The following RABGAP1L variants were observed in gnomAD, a reference collection of about 807,000 sequenced individuals.
RABGAP1L encodes rab GTPase-activating protein 1-like.
In RABGAP1L, 63 loss-of-function variants were observed where a neutral mutation model predicts 137.7. That is an observed-to-expected ratio of 0.46 (90% CI 0.37 to 0.56). RABGAP1L has a LOEUF of 0.56. RABGAP1L is among the 20% of genes least tolerant of loss of function. RABGAP1L has a pLI of 0.00. For synonymous variants in RABGAP1L, 431 were observed against 433.7 expected (o/e 0.99, Z 0.08); for missense variants, 1,095 against 1,244.0 (o/e 0.88, Z 1.80).
chr1:174,295,683 CTTT>C (rs375647532), intron 10 of RABGAP1L, among the ~76,000 whole-genome samples: 31 of 140,052 alleles, frequency 2.2e-4, no homozygotes, highest in Non-Finnish European at 4.1e-4. Flanking sequence ...CGCAGCCAGC[CTTT>C]TTTTTTTTTT....
At chr1:174,792,756 GCTTA>G (rs1356040675) in intron 18 of RABGAP1L, among the ~76,000 whole-genome samples, 2 of 152,160 alleles carry the variant, frequency 1.3e-5, no homozygotes, top group South Asian at 2.1e-4. Context: ...CAGATGTCTG[GCTTA>G]CTATGTACAG....
At chr1:174,483,819 C>CAAAA (rs201936174) in intron 13 of RABGAP1L, among the ~76,000 whole-genome samples, 75 of 132,954 alleles carry the variant, frequency 5.6e-4, no homozygotes, top group Middle Eastern at 4.2e-3. Flanking sequence ...AACTCCATCT[C>CAAAA]AAAAAAAAAA....
chr1:174,675,404 T>C lies in RABGAP1L; in HGVS notation c.1825-8118T>C, dbSNP rs545065584. Among the ~76,000 whole-genome samples the C allele has an allele frequency of 4.7e-3, 714 of 152,150 alleles. 6 individuals carry two copies. Among genetic ancestry groups the C allele is most frequent in the African/African-American group, 0.014 (593 of 41,486 alleles). On this transcript the variant is annotated intron_variant, in intron 14 of 25. Coordinates refer to ENST00000681986, the MANE Select transcript of RABGAP1L (RefSeq NM_001366446.1). Reference sequence around the variant, plus strand: ...GTCAAAGATCAGATAGTTGTAGATATGTGGCGTTATTTCTGAGGGCTCTGT... The same window carrying C: ...GTCAAAGATCAGATAGTTGTAGATACGTGGCGTTATTTCTGAGGGCTCTGT...
chr1:174,840,444 A>G (rs989978860), intron 19 of RABGAP1L, among the ~76,000 whole-genome samples: 3 of 152,136 alleles, frequency 2.0e-5, no homozygotes, highest in African/African-American at 2.4e-5. Context: ...GGCAAAACCA[A>G]TAATGCCCAG....
At chr1:174,425,412 TTC>T (rs1218868684) in intron 13 of RABGAP1L, among the ~76,000 whole-genome samples, 1 of 152,046 alleles carries the variant, frequency 6.6e-6, no homozygotes, top group African/African-American at 2.4e-5. Flanking sequence ...AGCTGTGAAT[TTC>T]TCTCTGTCAT....
At chr1:174,500,332 G>A (rs371257268) in intron 13 of RABGAP1L, among the ~76,000 whole-genome samples, 157 of 152,090 alleles carry the variant, frequency 1.0e-3, no homozygotes, top group African/African-American at 3.4e-3. Flanking sequence ...CACCCTTCTC[G>A]GCCTCCCAAA....
chr1:174,653,106 A>T (rs889403543), intron 14 of RABGAP1L, among the ~76,000 whole-genome samples: 4 of 152,130 alleles, frequency 2.6e-5, no homozygotes, highest in African/African-American at 9.7e-5. Context: ...GTGAGGGGAA[A>T]ACCGCCTACT....
chr1:174,658,797 A>G (rs909436827), intron 14 of RABGAP1L, among the ~76,000 whole-genome samples: 2 of 152,154 alleles, frequency 1.3e-5, no homozygotes, highest in Admixed American at 6.6e-5. Flanking sequence ...TTACTTTTTA[A>G]AGATGAATTT....
chr1:174,682,285 T>TCC (rs997584734), intron 14 of RABGAP1L, among the ~76,000 whole-genome samples: 2 of 145,244 alleles, frequency 1.4e-5, no homozygotes, highest in Admixed American at 6.9e-5. Context: ...TCTCTCTCTC[T>TCC]CTCTCTCTCT....
At chr1:174,891,979 C>T (rs562968571) in intron 19 of RABGAP1L, among the ~76,000 whole-genome samples, 61 of 152,304 alleles carry the variant, frequency 4.0e-4, no homozygotes, top group African/African-American at 1.4e-3. Flanking sequence ...TTCCTGTTGT[C>T]TATAAAACAA....
chr1:174,236,840 C>T (rs1326486814), intron 4 of RABGAP1L, among the ~76,000 whole-genome samples: 43 of 110,478 alleles, frequency 3.9e-4, no homozygotes, highest in African/African-American at 1.2e-3. Flanking sequence ...CTTTCTGTCT[C>T]GTTGATCTGT....
intron 14 of RABGAP1L, among the ~76,000 whole-genome samples, chr1:174,673,196 A>T (rs1445826410): frequency 6.6e-6 from 1 of 152,176 alleles, no homozygotes; most frequent in Non-Finnish European, 1.5e-5. Flanking sequence ...TTAAATAAGT[A>T]AAAGGATACT....
chr1:174,628,447 A>G (rs982090629), intron 13 of RABGAP1L, among the ~76,000 whole-genome samples: 6 of 152,224 alleles, frequency 3.9e-5, no homozygotes, highest in African/African-American at 1.4e-4. Flanking sequence ...CTTGTCATTA[A>G]TTAATAATTT....
At chr1:174,746,392 T>C (rs1683867132) in intron 17 of RABGAP1L, among the ~76,000 whole-genome samples, 1 of 152,240 alleles carries the variant, frequency 6.6e-6, no homozygotes, top group Non-Finnish European at 1.5e-5. Context: ...CTGTTGTCAT[T>C]AGAGGAAGGT....
At chr1:174,635,112 C>G (rs193187101) in intron 13 of RABGAP1L, among the ~76,000 whole-genome samples, 21 of 151,974 alleles carry the variant, frequency 1.4e-4, no homozygotes, top group Middle Eastern at 6.8e-3. Flanking sequence ...GGCAAATTTA[C>G]TCTCTAGATT....
chr1:174,850,086 G>A, intron 19 of RABGAP1L: 1 of 521,416 alleles, frequency 1.9e-6, no homozygotes. Flanking sequence ...GGGATTGGGA[G>A]GGGGCTTCAT....
chr1:174,743,615 C>T (rs929697620), intron 17 of RABGAP1L, among the ~76,000 whole-genome samples: 7 of 151,932 alleles, frequency 4.6e-5, no homozygotes, highest in Non-Finnish European at 8.8e-5. Flanking sequence ...CAAACCTGAA[C>T]ATATACCTTT....
intron 18 of RABGAP1L, among the ~76,000 whole-genome samples, chr1:174,764,268 C>T (rs1685487269): frequency 6.6e-6 from 1 of 152,104 alleles, no homozygotes; most frequent in East Asian, 1.9e-4. Context: ...CTACTGTGAA[C>T]ATTTGTGTAC....
chr1:174,614,041 C>A (rs904914607), intron 13 of RABGAP1L, among the ~76,000 whole-genome samples: 1 of 152,162 alleles, frequency 6.6e-6, no homozygotes, highest in African/African-American at 2.4e-5. Flanking sequence ...TTAATTGGAG[C>A]ATTTATTCCA....
Sources: allele counts gnomAD v4.1 joint callset (sites outside exome capture counted in the v4.1 genomes callset), GRCh38; gene constraint gnomAD v4.1.1; transcripts MANE v1.5; gene names NCBI Gene and HGNC (gene_info 2026-07-23, HGNC 2026-07-21).